Variants in DPYSL5 observed in about 807,000 individuals in gnomAD.
DPYSL5 encodes the protein dihydropyrimidinase like 5, also known as dihydropyrimidinase-related protein 5.
DPYSL5 carries 9 observed loss-of-function variants against 58.4 expected under a neutral mutation model. The ratio of observed to expected loss-of-function variants is 0.15; its 90% confidence interval spans 0.09 to 0.27. The LOEUF is 0.27. Among genes scored for constraint, DPYSL5 ranks in the 10% least tolerant of loss-of-function variants. DPYSL5 has a pLI of 1.00. For missense variants in DPYSL5, 499 were observed against 770.6 expected (o/e 0.65, Z 4.17); for synonymous variants, 293 against 301.9 (o/e 0.97, Z 0.31).
In DPYSL5 at chr2:26,924,324, C is replaced by T. The variant is rs763584947; in HGVS notation, c.262-563C>T. Among the ~76,000 whole-genome samples, 5 of 152,092 alleles carry T rather than the reference C, an allele frequency of 3.3e-5. No homozygotes were observed. Among genetic ancestry groups the T allele is most frequent in the African/African-American group, 4.8e-5 (2 of 41,404 alleles). ...GACAAAGACCCTGAGGTTGAAGATGCGTGCAAAATGTTTGAACAAAATTGC... is the reference window on the plus strand; with the variant it reads ...GACAAAGACCCTGAGGTTGAAGATGTGTGCAAAATGTTTGAACAAAATTGC... On this transcript the variant is annotated intron_variant, in intron 2 of 12. Coordinates refer to ENST00000288699, the MANE Select transcript of DPYSL5 (RefSeq NM_020134.4). This position sits in a 1 kb window ranked among gnomAD's most constrained non-coding sequence, Gnocchi z 4.7.
At chr2:26,873,122 T>C (rs946891145) in intron 1 of DPYSL5, among the ~76,000 whole-genome samples, 1 of 152,232 alleles carries the variant, frequency 6.6e-6, no homozygotes, top group Non-Finnish European at 1.5e-5. Context: ...ATATGTTTTT[T>C]TACTTCTTTT....
chr2:26,914,381 A>G (rs1241381108), intron 2 of DPYSL5, among the ~76,000 whole-genome samples: 5 of 152,204 alleles, frequency 3.3e-5, no homozygotes, highest in African/African-American at 1.2e-4. Context: ...GAAGCCCTCC[A>G]GGGGTGAGAA....
At chr2:26,936,503 C>T (rs931073766) in intron 8 of DPYSL5, among the ~76,000 whole-genome samples, 1 of 152,182 alleles carries the variant, frequency 6.6e-6, no homozygotes, top group African/African-American at 2.4e-5. Flanking sequence ...GCAGTACGCA[C>T]CACGGCATGG....
chr2:26,928,315 C>T lies in DPYSL5; in HGVS notation c.661C>T (p.Pro221Ser), dbSNP rs780219110. 6.2e-7 allele frequency: 1 copy of T among 1,613,852 alleles called. No homozygotes were observed. The highest frequency in any genetic ancestry group is 1.1e-5 in the South Asian group (1 of 91,064). The change falls in exon 5 of 13, where the codon CCA (proline) becomes TCA (serine). Residue 221 changes from proline (P) to serine (S), a missense_variant. Transcript: ENST00000288699. The stretch of plus-strand genomic sequence containing the variant: ...CCCAGAAGGAATCGAGATCAGCCGT[C>T]CAGAGGAGGTGAGAAACACTTCCTG... ...TGPEGIEISR[P>S]EELEAEATHR... is the part of the protein sequence containing the mutation.
intron 2 of DPYSL5, among the ~76,000 whole-genome samples, chr2:26,919,389 A>G (rs1027511645): frequency 1.3e-5 from 2 of 152,260 alleles, no homozygotes; most frequent in Non-Finnish European, 2.9e-5. Flanking sequence ...TGAGCATCAA[A>G]TAAATCCAGC....
In DPYSL5 at chr2:26,934,836, C is replaced by T. The variant is rs999693632; in HGVS notation, c.947+102C>T. ...CTGAGCTAGGTTTGATTTCATTGTG[C>T]CCATAGGATCATTGTGCTTTTCTTA... On this transcript the variant is annotated intron_variant, in intron 8 of 12. Coordinates refer to ENST00000288699, the MANE Select transcript of DPYSL5 (RefSeq NM_020134.4). The surrounding 1 kb of genome is among the most constrained non-coding windows in gnomAD (Gnocchi z 4.3). 2.1e-6 allele frequency: 3 copies of T among 1,450,296 alleles called. No homozygotes were observed. The highest frequency in any genetic ancestry group is 2.8e-6 in the Non-Finnish European group (3 of 1,061,510). 89.8% of individuals were successfully genotyped at this position (1,450,296 alleles called of 1,614,324 possible). A position where few individuals can be genotyped will look rare whatever the true frequency, so the allele number is the denominator to read the frequency against.
At chr2:26,923,473 C>T (rs981903955) in intron 2 of DPYSL5, among the ~76,000 whole-genome samples, 1 of 152,176 alleles carries the variant, frequency 6.6e-6, no homozygotes, top group Non-Finnish European at 1.5e-5. Context: ...TAGGTAAAGA[C>T]TTTGCATCCA....
chr2:26,850,647 G>A (rs1469093237), intron 1 of DPYSL5, among the ~76,000 whole-genome samples: 2 of 152,180 alleles, frequency 1.3e-5, no homozygotes, highest in East Asian at 1.9e-4. Flanking sequence ...CTGAGAACCT[G>A]TTGGTTCTCT....
chr2:26,923,848 C>T lies in DPYSL5; in HGVS notation c.262-1039C>T, dbSNP rs374051126. The stretch of plus-strand genomic sequence containing the variant: ...GCTAATTTCTGTATTTTTGTAGAGA[C>T]GGGGCTTCACCATGTTGGCCAGGCT... On this transcript the variant is annotated intron_variant, in intron 2 of 12. Coordinates refer to ENST00000288699, the MANE Select transcript of DPYSL5 (RefSeq NM_020134.4). Among the ~76,000 whole-genome samples, 4 of 151,982 alleles carry T rather than the reference C, an allele frequency of 2.6e-5. No homozygotes were observed. In the East Asian group the frequency reaches 5.8e-4, roughly 22 times the overall value.
In DPYSL5 at chr2:26,944,183, G is replaced by A. The variant is rs1326725966; in HGVS notation, c.1441-473G>A. Among the ~76,000 whole-genome samples, 14 of 152,106 alleles carry A rather than the reference G, an allele frequency of 9.2e-5. No homozygotes were observed. Among genetic ancestry groups the A allele is most frequent in the Admixed American group, 9.2e-4 (14 of 15,274 alleles). Reference sequence around the variant, plus strand: ...AGGCGCCTGTAATCCTAGCTACTTGGGAGGCTGAGGCAGGAGAATCACTTT... The same window carrying A: ...AGGCGCCTGTAATCCTAGCTACTTGAGAGGCTGAGGCAGGAGAATCACTTT... On this transcript the variant is annotated intron_variant, in intron 11 of 12. Transcript: ENST00000288699. This position sits in a 1 kb window ranked among gnomAD's most constrained non-coding sequence, Gnocchi z 4.4.
At chr2:26,912,998 T>C (rs976511480) in intron 2 of DPYSL5, among the ~76,000 whole-genome samples, 6 of 152,222 alleles carry the variant, frequency 3.9e-5, no homozygotes, top group African/African-American at 1.4e-4. Context: ...GGCTATGTGA[T>C]TTTCTCAGGC....
chr2:26,871,591 AC>A (rs1312053481), intron 1 of DPYSL5, among the ~76,000 whole-genome samples: 1 of 151,860 alleles, frequency 6.6e-6, no homozygotes, highest in Non-Finnish European at 1.5e-5. Context: ...ACAGTTGCGC[AC>A]CACCACACCC....
At chr2:26,872,823 A>G (rs920234635) in intron 1 of DPYSL5, among the ~76,000 whole-genome samples, 1 of 152,248 alleles carries the variant, frequency 6.6e-6, no homozygotes, top group Non-Finnish European at 1.5e-5. Flanking sequence ...ATAAAAAAAC[A>G]AAAAACGGCC....
chr2:26,942,065 T>C lies in DPYSL5; in HGVS notation c.1205T>C (p.Val402Ala). 6.2e-7 allele frequency: 1 copy of C among 1,614,184 alleles called. No individual in the cohort carries two copies. The highest frequency in any genetic ancestry group is 1.1e-5 in the South Asian group (1 of 91,086). The change falls in exon 10 of 13, where the codon GTG becomes GCG. Residue 402 changes from valine to alanine, a missense_variant. Physicochemically the swap from Val to Ala is moderately conservative, Grantham distance 64. Coordinates refer to ENST00000288699, the MANE Select transcript of DPYSL5 (RefSeq NM_020134.4). This position sits in a 1 kb window ranked among gnomAD's most constrained non-coding sequence, Gnocchi z 5.9. ...GRIIPGADAD[V>A]VVWDPEATKT... is the part of the protein sequence containing the mutation. The stretch of plus-strand genomic sequence containing the variant: ...ATTATTCCCGGAGCCGATGCTGATG[T>C]GGTGGTGTGGGACCCAGAAGCCACA...
chr2:26,927,281 G>C lies in DPYSL5; in HGVS notation c.449G>C (p.Arg150Thr). Residue 150 changes from arginine (R) to threonine (T), a missense_variant, in exon 4 of 13, where the codon AGG becomes ACG. By Grantham distance (71) the Arg-to-Thr change is moderately conservative. Around this residue, in one of 3 missense-constraint regions of DPYSL5, gnomAD observed 404 missense variants for 647.6 expected, o/e 0.62. Transcript: ENST00000288699. This position sits in a 1 kb window ranked among gnomAD's most constrained non-coding sequence, Gnocchi z 4.3. ...KVKAEMETLV[R>T]EKGVNSFQMF... is the part of the protein sequence containing the mutation. ...AAAGCAGAAATGGAGACACTGGTGA[G>C]GGAGAAGGGTGTCAACTCGTTCCAG... The C allele has an allele frequency of 6.2e-7, 1 of 1,614,050 alleles. No homozygotes were observed. The highest frequency in any genetic ancestry group is 8.5e-7 in the Non-Finnish European group (1 of 1,179,980).
chr2:26,873,296 A>G (rs961839331), intron 1 of DPYSL5, among the ~76,000 whole-genome samples: 34 of 152,148 alleles, frequency 2.2e-4, no homozygotes, highest in Admixed American at 1.2e-3. Flanking sequence ...GAATATTTCT[A>G]TTATCCCAAA....
At chr2:26,896,921 G>A (rs538261299) in intron 1 of DPYSL5, among the ~76,000 whole-genome samples, 1 of 152,262 alleles carries the variant, frequency 6.6e-6, no homozygotes, top group African/African-American at 2.4e-5. Flanking sequence ...TGTTGTCTGT[G>A]CCTATACATG....
In DPYSL5 at chr2:26,898,378, T is replaced by C; in HGVS notation, c.-4-118T>C. ...GACTCCCGCTGGCTGTAGGGGAAAG[T>C]TCCTCCTCTTCTCTGCTCACTTACC... is the stretch of plus-strand genomic sequence containing the variant. On this transcript the variant is annotated intron_variant, in intron 1 of 12. Transcript: ENST00000288699. This position sits in a 1 kb window ranked among gnomAD's most constrained non-coding sequence, Gnocchi z 6.1. The C allele has an allele frequency of 7.0e-7, 1 of 1,422,884 alleles. No homozygotes were observed. The highest frequency in any genetic ancestry group is 9.6e-7 in the Non-Finnish European group (1 of 1,046,304). The allele number at this position is 1,422,884 out of a possible 1,614,324, so 88.1% of individuals were successfully genotyped here.
At chr2:26,899,467 AT>A (rs1364233346) in intron 2 of DPYSL5, among the ~76,000 whole-genome samples, 2 of 151,818 alleles carry the variant, frequency 1.3e-5, no homozygotes, top group Non-Finnish European at 2.9e-5. Flanking sequence ...CTTCCTTGTG[AT>A]TTTCTATCTC....
Sources: gnomAD v4.1 joint callset for allele counts (sites outside exome capture counted in the v4.1 genomes callset) on GRCh38, gnomAD v4.1.1 for gene constraint, gnomAD v4.1.1 regional missense constraint, Gnocchi (gnomAD v3.1) non-coding constraint, MANE v1.5 for transcripts, NCBI Gene and HGNC (gene_info 2026-07-23, HGNC 2026-07-21) for gene names.